Variants in ACACA observed in about 807,000 individuals in gnomAD.
The protein encoded by ACACA is acetyl-CoA carboxylase 1.
A neutral mutation model predicts 296.1 loss-of-function variants in ACACA; 103 were observed. The observed-to-expected ratio is 0.35, with a 90% CI of 0.30 to 0.41. The LOEUF (loss-of-function observed/expected upper bound fraction) is 0.41, where lower values mean the gene tolerates loss of function less well. ACACA is among the 10% of genes least tolerant of loss of function. ACACA has a pLI of 1.00. For missense variants in ACACA, 1,554 were observed against 2,989.7 expected, an observed-to-expected ratio of 0.52 and a Z score of 11.20; for synonymous variants, 953 against 1,038.6, an observed-to-expected ratio of 0.92 and a Z score of 1.58.
intron 9 of ACACA, among the ~76,000 whole-genome samples, chr17:37,272,592 GGTCA>G (rs1369353995): frequency 2.0e-5 from 3 of 151,898 alleles, no homozygotes; most frequent in African/African-American, 7.3e-5. Context: ...TCCCATAGGA[GGTCA>G]GTAAGTAAGA....
At chr17:37,112,616 C>T (rs1166579056) in intron 51 of ACACA, among the ~76,000 whole-genome samples, 1 of 152,166 alleles carries the variant, frequency 6.6e-6, no homozygotes, top group Non-Finnish European at 1.5e-5. Context: ...ATAAGCCTCT[C>T]AGCCTAGAGG....
intron 52 of ACACA, among the ~76,000 whole-genome samples, chr17:37,101,669 T>A (rs2073368502): frequency 6.6e-6 from 1 of 152,200 alleles, no homozygotes; most frequent in Admixed American, 6.5e-5. Flanking sequence ...TAAGTGATGA[T>A]GGTGGGCTCC....
chr17:37,343,795 A>G lies in ACACA; in HGVS notation c.39-3945T>C, dbSNP rs532704666. On this transcript the variant is annotated intron_variant, in intron 1 of 55. Transcript: ENST00000616317. ...AAAAAAAAAAAAAGTTTTCAAAGAC[A>G]ATAAGTGAATTTGCCTTGTTCACTT... 2.6e-5 allele frequency among the ~76,000 whole-genome samples: 4 copies of G among 152,106 alleles called. No individual in the cohort carries two copies. In the East Asian group the frequency reaches 7.7e-4, roughly 29 times the overall value.
At chr17:37,237,246 T>C (rs1344914057) in intron 24 of ACACA, among the ~76,000 whole-genome samples, 1 of 152,220 alleles carries the variant, frequency 6.6e-6, no homozygotes, top group East Asian at 1.9e-4. Context: ...TATACCAGAC[T>C]TCAATGATCC....
At chr17:37,242,212 T>C (rs1434545747) in intron 22 of ACACA, among the ~76,000 whole-genome samples, 159 bp from the exon 23 acceptor site, 1 of 152,172 alleles carries the variant, frequency 6.6e-6, no homozygotes, top group African/African-American at 2.4e-5. Flanking sequence ...GTAGTCTATA[T>C]AGAGAATCAC....
At position 37,301,495 on chromosome 17, in the gene ACACA, G is replaced by A. The variant is rs551379987; in HGVS notation, c.339-16525C>T. 1.5e-5 allele frequency: 9 copies of A among 606,558 alleles called. No homozygotes were observed. In the South Asian group the frequency reaches 5.9e-4, roughly 39 times the overall value. 37.6% of individuals were successfully genotyped at this position (606,558 alleles called of 1,614,324 possible). A position where few individuals can be genotyped will look rare whatever the true frequency, so the allele number is the denominator to read the frequency against. On this transcript the variant is annotated intron_variant, in intron 3 of 55. Coordinates refer to ENST00000616317, the MANE Select transcript of ACACA (RefSeq NM_198834.3). ...CAGTGATGCATTCGCTAGCTTGACT[G>A]CAACACAGTCTGAGTTATACTGCAG...
intron 1 of ACACA, among the ~76,000 whole-genome samples, chr17:37,389,604 T>C (rs2050702121): frequency 6.6e-6 from 1 of 151,906 alleles, no homozygotes; most frequent in South Asian, 2.1e-4. Context: ...GGAGAATCGC[T>C]TGAACCTGGG....
chr17:37,286,117 T>C (rs1348243974), intron 3 of ACACA, among the ~76,000 whole-genome samples: 1 of 152,190 alleles, frequency 6.6e-6, no homozygotes, highest in African/African-American at 2.4e-5. Flanking sequence ...CTCGAACTCC[T>C]GACCTCAGGT....
chr17:37,387,113 G>C (rs1714988), intron 1 of ACACA: 1 of 151,874 alleles, frequency 6.6e-6, no homozygotes, highest in African/African-American at 2.4e-5. Context: ...CACCACGCCC[G>C]TCCCCAAGAG....
chr17:37,198,597 T>C (rs566960415), intron 35 of ACACA, among the ~76,000 whole-genome samples: 1 of 152,328 alleles, frequency 6.6e-6, no homozygotes, highest in Admixed American at 6.5e-5. Flanking sequence ...AAGCTCCTCA[T>C]ACTTCTCCAC....
chr17:37,264,596 CT>C (rs968253064), intron 10 of ACACA, among the ~76,000 whole-genome samples: 6 of 152,108 alleles, frequency 3.9e-5, no homozygotes, highest in Non-Finnish European at 4.4e-5. Flanking sequence ...GCTCATAGTG[CT>C]TTTTGAATCT....
chr17:37,139,112 G>A (rs1258488836), intron 45 of ACACA, among the ~76,000 whole-genome samples: 1 of 152,184 alleles, frequency 6.6e-6, no homozygotes, highest in Non-Finnish European at 1.5e-5. Context: ...CAAAGACAGA[G>A]CTATGAATAT....
At chr17:37,372,617 G>A (rs914399362) in intron 1 of ACACA, among the ~76,000 whole-genome samples, 5 of 152,034 alleles carry the variant, frequency 3.3e-5, no homozygotes, top group African/African-American at 9.7e-5. Flanking sequence ...TGCTCCTTCT[G>A]CAGACCCATC....
chr17:37,100,892 T>C (rs752744294), intron 52 of ACACA, among the ~76,000 whole-genome samples: 2 of 151,744 alleles, frequency 1.3e-5, no homozygotes, highest in Non-Finnish European at 2.9e-5. Context: ...AGGCCAGGAG[T>C]TTGAGACCAG....
chr17:37,228,308 C>T (rs2079653481), intron 25 of ACACA, among the ~76,000 whole-genome samples: 1 of 139,334 alleles, frequency 7.2e-6, no homozygotes, highest in African/African-American at 2.7e-5. Flanking sequence ...AGTCATAAAA[C>T]ATATGATGGG....
Position 37,241,946 on chromosome 17 carries a change from T to C in ACACA, c.3032+7A>G, listed in dbSNP as rs1236838175. The C allele has an allele frequency of 1.9e-6, 3 of 1,610,530 alleles. No individual in the cohort carries two copies. Among genetic ancestry groups the C allele is most frequent in the African/African-American group, 1.3e-5 (1 of 74,830 alleles). On this transcript the variant is annotated splice_region_variant and intron_variant, in intron 23 of 55. Coordinates refer to ENST00000616317, the MANE Select transcript of ACACA (RefSeq NM_198834.3). ...AGGTCTGGGAATCTGGAGTTACAAG[T>C]TACTACCTCTGTACCAGCTGAACAA... is the stretch of plus-strand genomic sequence containing the variant.
intron 16 of ACACA, among the ~76,000 whole-genome samples, chr17:37,249,587 T>C (rs2080881782): frequency 6.6e-6 from 1 of 152,190 alleles, no homozygotes; most frequent in Non-Finnish European, 1.5e-5. Context: ...GGTTTTGATT[T>C]TATTTACTTA....
chr17:37,094,589 C>A (rs1451557599), intron 54 of ACACA, among the ~76,000 whole-genome samples: 1 of 141,496 alleles, frequency 7.1e-6, no homozygotes. Flanking sequence ...CCCCCCCACA[C>A]CAAACAGCAA....
At chr17:37,270,054 C>A (rs961257417) in intron 10 of ACACA, among the ~76,000 whole-genome samples, 1 of 152,172 alleles carries the variant, frequency 6.6e-6, no homozygotes, top group Non-Finnish European at 1.5e-5. Flanking sequence ...TTGGTCGTCT[C>A]CGCAACCAAT....
Sources: gnomAD v4.1 joint callset for allele counts (sites outside exome capture counted in the v4.1 genomes callset) on GRCh38, gnomAD v4.1.1 for gene constraint, MANE v1.5 for transcripts, NCBI Gene and HGNC (gene_info 2026-07-23, HGNC 2026-07-21) for gene names.